The following ADGRL3 variants were observed in gnomAD, a reference collection of about 807,000 sequenced individuals.
ADGRL3 encodes calcium-independent alpha-latrotoxin receptor 3.
Under a neutral mutation model 153.5 loss-of-function variants are expected in ADGRL3, and 62 were observed. The ratio of observed to expected loss-of-function variants is 0.40; its 90% confidence interval spans 0.33 to 0.50. ADGRL3 has a LOEUF of 0.50. Ranked by LOEUF, ADGRL3 falls within the 20% of genes least tolerant of loss-of-function variation. The pLI is 0.47. For missense variants in ADGRL3, 1,641 were observed against 1,859.4 expected (o/e 0.88, Z 2.16); for synonymous variants, 710 against 672.5 (o/e 1.06, Z -0.86).
At position 62,076,646 on chromosome 4, in the gene ADGRL3, T is replaced by A. The variant is rs1220206410; in HGVS notation, c.*5738T>A. ...AATGGGAGTTTCCTATATTCTGATT[T>A]CATTCTGCTAATTCCACGGGAAACA... On this transcript the variant is annotated 3_prime_UTR_variant, in exon 27 of 27. Transcript: ENST00000683033. 6.6e-6 allele frequency: 1 copy of A among 152,064 alleles called. No individual in the cohort carries two copies. The highest frequency in any genetic ancestry group is 1.5e-5 in the Non-Finnish European group (1 of 67,926). 9.4% of individuals were successfully genotyped at this position (152,064 alleles called of 1,614,324 possible). A position where few individuals can be genotyped will look rare whatever the true frequency, so the allele number is the denominator to read the frequency against.
In ADGRL3 at chr4:61,682,563, ATT is replaced by A. The variant is rs10685495; in HGVS notation, c.583+5645_583+5646del. 5.4e-3 allele frequency among the ~76,000 whole-genome samples: 734 copies of A among 136,236 alleles called. 10 individuals are homozygous for A. Among genetic ancestry groups the A allele is most frequent in the African/African-American group, 0.018 (654 of 36,504 alleles). 89.4% of individuals were successfully genotyped at this position (136,236 alleles called of 152,430 possible). A position where few individuals can be genotyped will look rare whatever the true frequency, so the allele number is the denominator to read the frequency against. Reference sequence around the variant, plus strand: ...GGAGTTACTTTCTTTCTTTAAAAAAATTTTTTTTTTTTTTTTTTGTAGACCTA... The same window carrying A: ...GGAGTTACTTTCTTTCTTTAAAAAAATTTTTTTTTTTTTTTTGTAGACCTA... On this transcript the variant is annotated intron_variant, in intron 6 of 26. Coordinates refer to ENST00000683033, the MANE Select transcript of ADGRL3 (RefSeq NM_001387552.1).
At chr4:61,805,970 T>A (rs2097548389) in intron 8 of ADGRL3, among the ~76,000 whole-genome samples, 1 of 152,212 alleles carries the variant, frequency 6.6e-6, no homozygotes, top group African/African-American at 2.4e-5. Flanking sequence ...TAAATTTAAC[T>A]TTTGAAATTT....
intron 9 of ADGRL3, among the ~76,000 whole-genome samples, chr4:61,884,141 T>C (rs890461623): frequency 1.3e-5 from 2 of 152,224 alleles, no homozygotes; most frequent in Admixed American, 6.5e-5. Context: ...ATTAATCTTA[T>C]AGTTCCCAGA....
intron 4 of ADGRL3, among the ~76,000 whole-genome samples, chr4:61,538,987 C>A (rs1004295282): frequency 6.6e-6 from 1 of 152,124 alleles, no homozygotes; most frequent in Non-Finnish European, 1.5e-5. Context: ...GGGATCATGA[C>A]CTTCAGCTCA....
chr4:61,698,885 C>T (rs2095694278), intron 6 of ADGRL3, among the ~76,000 whole-genome samples: 1 of 152,162 alleles, frequency 6.6e-6, no homozygotes, highest in Admixed American at 6.5e-5. Flanking sequence ...GTTAAAATTA[C>T]TTTCTTTTTA....
At chr4:61,533,793 C>T (rs1203691087) in intron 4 of ADGRL3, among the ~76,000 whole-genome samples, 1 of 152,114 alleles carries the variant, frequency 6.6e-6, no homozygotes, top group African/African-American at 2.4e-5. Flanking sequence ...GAAATGGACA[C>T]TCTTTTTGAA....
chr4:61,726,199 C>CTTTTTTTTTTTTTTTT (rs1012113549), intron 6 of ADGRL3, among the ~76,000 whole-genome samples: 3 of 82,938 alleles, frequency 3.6e-5, no homozygotes, highest in African/African-American at 9.0e-5. Flanking sequence ...CTCACTGGAA[C>CTTTTTTTTTTTTTTTT]TTTTTTTTTT....
At chr4:61,220,807 T>C (rs1745110817) in intron 1 of ADGRL3, among the ~76,000 whole-genome samples, 1 of 152,222 alleles carries the variant, frequency 6.6e-6, no homozygotes, top group African/African-American at 2.4e-5. Flanking sequence ...TATCTAGCAA[T>C]TCGTGAGATA....
rs374526766 is a variant in ADGRL3 at position 61,909,658 on chromosome 4, C to A, written c.1986C>A (p.Ala662=). ...GGGACATCACCTACTCTGTCCGGGC[C>A]ATGGACCAGCTGGTAGGCCTCCTAG... ...NAGDITYSVR[A]MDQLVGLLDV... The change falls in exon 12 of 27, where the codon GCC becomes GCA. Residue 662 remains alanine (A), a synonymous_variant. Coordinates refer to ENST00000683033, the MANE Select transcript of ADGRL3 (RefSeq NM_001387552.1). The A allele has an allele frequency of 1.2e-5, 20 of 1,610,686 alleles. No homozygotes were observed. In the African/African-American group the frequency reaches 2.7e-4, roughly 22 times the overall value.
At chr4:62,014,021 A>G (rs2099199926) in intron 21 of ADGRL3, among the ~76,000 whole-genome samples, 1 of 151,986 alleles carries the variant, frequency 6.6e-6, no homozygotes, top group Admixed American at 6.6e-5. Context: ...TGGTCATAGT[A>G]TCTGGGCTGG....
At chr4:61,343,406 C>G (rs2095844573) in intron 1 of ADGRL3, among the ~76,000 whole-genome samples, 1 of 152,100 alleles carries the variant, frequency 6.6e-6, no homozygotes, top group Non-Finnish European at 1.5e-5. Flanking sequence ...CTTGCAAGTA[C>G]TCTCAGAAAC....
chr4:61,325,239 G>T (rs1459714338), intron 1 of ADGRL3, among the ~76,000 whole-genome samples: 1 of 152,064 alleles, frequency 6.6e-6, no homozygotes, highest in Non-Finnish European at 1.5e-5. Context: ...TTGAACCAGG[G>T]AGTCGGAAGT....
At chr4:61,658,553 G>A (rs1030662123) in intron 5 of ADGRL3, among the ~76,000 whole-genome samples, 1 of 152,128 alleles carries the variant, frequency 6.6e-6, no homozygotes, top group Non-Finnish European at 1.5e-5. Flanking sequence ...CACAGTGAAA[G>A]TGATGAACGT....
chr4:61,524,735 T>A (rs1016561124), intron 4 of ADGRL3, among the ~76,000 whole-genome samples: 30 of 152,054 alleles, frequency 2.0e-4, no homozygotes, highest in Admixed American at 3.3e-4. Context: ...TAGTAAGTGT[T>A]CCCCACTGCT....
At chr4:61,676,718 C>A in intron 5 of ADGRL3, 108 bp from the exon 6 acceptor site, 1 of 798,832 alleles carries the variant, frequency 1.3e-6, no homozygotes, top group Non-Finnish European at 2.1e-6. Flanking sequence ...TTAAGCAAAA[C>A]CTTATTCAAA....
In ADGRL3 at chr4:61,819,272, C is replaced by T. The variant is rs1004214920; in HGVS notation, c.1480+5383C>T. ...TGAATGTAAAAAATATGACAAATTA[C>T]GTTCTTTAAATAATTGAAATTCTAT... On this transcript the variant is annotated intron_variant, in intron 9 of 26. Coordinates refer to ENST00000683033, the MANE Select transcript of ADGRL3 (RefSeq NM_001387552.1). Among the ~76,000 whole-genome samples, 99 of 152,108 alleles carry T rather than the reference C, an allele frequency of 6.5e-4. 1 individual carries two copies. Among genetic ancestry groups the T allele is most frequent in the African/African-American group, 2.3e-3 (96 of 41,528 alleles).
chr4:61,744,065 G>A (rs965876693), intron 8 of ADGRL3, among the ~76,000 whole-genome samples: 18 of 152,140 alleles, frequency 1.2e-4, no homozygotes, highest in African/African-American at 3.1e-4. Flanking sequence ...ATTATATCCC[G>A]CACCTGGCTC....
intron 6 of ADGRL3, among the ~76,000 whole-genome samples, chr4:61,696,056 C>G (rs2095637281): frequency 6.6e-6 from 1 of 152,110 alleles, no homozygotes; most frequent in Admixed American, 6.5e-5. Context: ...ATCTTTTATC[C>G]AAACTGCTGA....
chr4:61,767,567 C>G (rs550983645), intron 8 of ADGRL3, among the ~76,000 whole-genome samples: 2 of 152,040 alleles, frequency 1.3e-5, no homozygotes, highest in African/African-American at 4.8e-5. Flanking sequence ...AGTCTTCAGC[C>G]GGTAAGCCAA....
Sources: allele counts gnomAD v4.1 joint callset (sites outside exome capture counted in the v4.1 genomes callset), GRCh38; gene constraint gnomAD v4.1.1; transcripts MANE v1.5; gene names NCBI Gene and HGNC (gene_info 2026-07-23, HGNC 2026-07-21).